Variants in HAUS6 observed in about 807,000 individuals in gnomAD.
HAUS6 encodes HAUS augmin-like complex subunit 6.
HAUS6 carries 80 observed loss-of-function variants against 106.8 expected under a neutral mutation model. The observed-to-expected ratio is 0.75, with a 90% CI of 0.63 to 0.90. The LOEUF (loss-of-function observed/expected upper bound fraction) is 0.90, where lower values mean the gene tolerates loss of function less well. Among genes scored for constraint, HAUS6 ranks in the 40% least tolerant of loss-of-function variants. The pLI, the probability that HAUS6 is intolerant of heterozygous loss-of-function variation, is 0.00. For missense variants in HAUS6, 1,155 were observed against 1,118.1 expected, an observed-to-expected ratio of 1.03 and a Z score of -0.47; for synonymous variants, 356 against 379.1, an observed-to-expected ratio of 0.94 and a Z score of 0.71.
At chr9:19,070,337 G>C in intron 11 of HAUS6, 37 bp from the exon 12 acceptor site, 2 of 1,082,772 alleles carry the variant, frequency 1.8e-6, no homozygotes, top group South Asian at 2.6e-5. Context: ...CTTTAATTAT[G>C]TTTGTACATT....
chr9:19,076,833 T>A, intron 10 of HAUS6, 129 bp from the exon 11 acceptor site: 1 of 596,858 alleles, frequency 1.7e-6, no homozygotes, highest in East Asian at 2.9e-5. Flanking sequence ...ATGTATCAGA[T>A]AACTATTTTT....
intron 10 of HAUS6, among the ~76,000 whole-genome samples, chr9:19,077,330 T>C (rs1039118382): frequency 3.9e-5 from 6 of 152,132 alleles, no homozygotes; most frequent in Admixed American, 6.6e-5. Flanking sequence ...AAGTCAGGTA[T>C]TCGAGACCAG....
At chr9:19,072,378 T>C (rs1365116120) in intron 11 of HAUS6, among the ~76,000 whole-genome samples, 1 of 151,932 alleles carries the variant, frequency 6.6e-6, no homozygotes, top group Non-Finnish European at 1.5e-5. Context: ...CCAGGTGTGA[T>C]GGCACACGCC....
chr9:19,077,490 G>A (rs546973738), intron 10 of HAUS6, among the ~76,000 whole-genome samples: 11 of 152,252 alleles, frequency 7.2e-5, no homozygotes, highest in East Asian at 5.8e-4. Flanking sequence ...AGCTGAGATC[G>A]TGCCACTGCA....
At chr9:19,092,108 T>TA (rs1458092773) in intron 4 of HAUS6, among the ~76,000 whole-genome samples, 7 of 152,144 alleles carry the variant, frequency 4.6e-5, no homozygotes, top group African/African-American at 1.7e-4. Flanking sequence ...TCTGGTCACA[T>TA]ACGATGCTAA....
chr9:19,072,305 T>C (rs186592872), intron 11 of HAUS6, among the ~76,000 whole-genome samples: 1 of 151,942 alleles, frequency 6.6e-6, no homozygotes, highest in Non-Finnish European at 1.5e-5. Flanking sequence ...TTGAGGTCAG[T>C]AGTTCAAGAC....
At chr9:19,097,767 TAAAAAA>T (rs570246354) in intron 1 of HAUS6, among the ~76,000 whole-genome samples, 1 of 138,074 alleles carries the variant, frequency 7.2e-6, no homozygotes. Context: ...AAACAAAGCC[TAAAAAA>T]AAAAAAAGTG....
rs147144205 is a variant in HAUS6, at chr9:19,058,744, T to G, written c.2023A>C (p.Ile675Leu). The change falls in exon 16 of 17, where the codon ATA becomes CTA. Residue 675 changes from isoleucine to leucine, a missense_variant. Ile to Leu is a conservative substitution (Grantham distance 5, BLOSUM62 2). Around this residue, in one of 3 missense-constraint regions of HAUS6, gnomAD observed 380 missense variants for 394.8 expected, o/e 0.96. Transcript: ENST00000380502. Reference protein sequence around the residue: ...VPQKHVLTSHIDEPPTQNQSD... With the variant: ...VPQKHVLTSHLDEPPTQNQSD... Reference sequence around the variant, plus strand: ...TGATTTTGTGTTGGTGGTTCATCTATGTGACTGGTCAGCACATGTTTCTGA... The same window carrying G: ...TGATTTTGTGTTGGTGGTTCATCTAGGTGACTGGTCAGCACATGTTTCTGA... 4.1e-5 allele frequency: 66 copies of G among 1,614,082 alleles called. No homozygotes were observed. Among genetic ancestry groups the G allele is most frequent in the Non-Finnish European group, 5.2e-5 (61 of 1,180,022 alleles).
chr9:19,071,939 C>T (rs1836889183), intron 11 of HAUS6, among the ~76,000 whole-genome samples: 1 of 152,166 alleles, frequency 6.6e-6, no homozygotes, highest in South Asian at 2.1e-4. Context: ...CCCAGTGGCT[C>T]ATGCCTGTAA....
chr9:19,099,226 G>C lies in HAUS6; in HGVS notation c.129-2457C>G, dbSNP rs533048481. Among the ~76,000 whole-genome samples the C allele has an allele frequency of 2.5e-3, 368 of 150,080 alleles. 1 individual carries two copies. The highest frequency in any genetic ancestry group is 8.6e-3 in the African/African-American group (353 of 40,946). On this transcript the variant is annotated intron_variant, in intron 1 of 16. Coordinates refer to ENST00000380502, the MANE Select transcript of HAUS6 (RefSeq NM_017645.5). ...CTGTCCCCCAGGCTGGAGTGCAGCG[G>C]CGCGATCTCGGCTCACTGCAAGCTC...
At chr9:19,070,141 A>T (rs1836855643) in intron 12 of HAUS6, 78 bp downstream of exon 12, 4 of 811,184 alleles carry the variant, frequency 4.9e-6, no homozygotes, top group Non-Finnish European at 8.2e-6. Context: ...AGCTGGCTTC[A>T]CCTCTCAGTT....
chr9:19,099,886 C>T (rs1426958457), intron 1 of HAUS6, among the ~76,000 whole-genome samples: 1 of 152,108 alleles, frequency 6.6e-6, no homozygotes, highest in African/African-American at 2.4e-5. Context: ...CCCATCTCTA[C>T]AAAAAGAATA....
At chr9:19,076,209 AT>A (rs200588807) in intron 11 of HAUS6, among the ~76,000 whole-genome samples, 1 of 145,674 alleles carries the variant, frequency 6.9e-6, no homozygotes, top group African/African-American at 2.5e-5. Context: ...AAAAAAAAAA[AT>A]ATAAAAATTA....
At position 19,058,739 on chromosome 9, in the gene HAUS6, A is replaced by T; in HGVS notation, c.2028T>A (p.Asp676Glu). ...CTGACTGATTTTGTGTTGGTGGTTC[A>T]TCTATGTGACTGGTCAGCACATGTT... ...PQKHVLTSHI[D>E]EPPTQNQSDL... The change falls in exon 16 of 17, where the codon GAT (aspartate) becomes GAA (glutamate). Residue 676 changes from aspartate (D) to glutamate (E), a missense_variant. Asp to Glu is a conservative substitution (Grantham distance 45, BLOSUM62 2). Coordinates refer to ENST00000380502, the MANE Select transcript of HAUS6 (RefSeq NM_017645.5). The T allele has an allele frequency of 6.2e-7, 1 of 1,614,178 alleles. No homozygotes were observed. Among genetic ancestry groups the T allele is most frequent in the Non-Finnish European group, 8.5e-7 (1 of 1,180,028 alleles).
chr9:19,085,089 A>C (rs1357383018), intron 7 of HAUS6, among the ~76,000 whole-genome samples: 1 of 152,066 alleles, frequency 6.6e-6, no homozygotes, highest in Non-Finnish European at 1.5e-5. Context: ...CACCCTAAAT[A>C]TCTCTGACAT....
chr9:19,074,357 G>T (rs1433439040), intron 11 of HAUS6, among the ~76,000 whole-genome samples: 1 of 152,050 alleles, frequency 6.6e-6, no homozygotes, highest in African/African-American at 2.4e-5. Flanking sequence ...TTGCAGCCTT[G>T]AACTCCCGGG....
intron 2 of HAUS6, among the ~76,000 whole-genome samples, chr9:19,095,990 G>A (rs145459046): frequency 1.4e-4 from 21 of 152,194 alleles, no homozygotes; most frequent in African/African-American, 4.8e-4. Context: ...AAAGTAGTAA[G>A]GCACAGAGTA....
rs369936480 is a variant in HAUS6 at position 19,060,155 on chromosome 9, T to A, written c.1698A>T (p.Leu566=). 6.2e-7 allele frequency: 1 copy of A among 1,600,662 alleles called. No homozygotes were observed. The highest frequency in any genetic ancestry group is 1.1e-5 in the South Asian group (1 of 89,788). The change falls in exon 15 of 17, where the codon CTA becomes CTT. Residue 566 remains leucine (L), a synonymous_variant. Coordinates refer to ENST00000380502, the MANE Select transcript of HAUS6 (RefSeq NM_017645.5). ...SEGKEIKLEE[L]IDSLGSNPFL... is the part of the protein sequence containing the mutation. ...AGGGGTTAGAACCCAGAGAGTCAAT[T>A]AGTTCCTCTAATTTTATTTCTTTTC...
intron 12 of HAUS6, 64 bp downstream of exon 12, chr9:19,070,155 T>C (rs1182019923): frequency 9.7e-6 from 9 of 929,700 alleles, no homozygotes; most frequent in Non-Finnish European, 1.5e-5. Context: ...CTCAGTTCCA[T>C]CTCTATTTTT....
Sources: allele counts gnomAD v4.1 joint callset (sites outside exome capture counted in the v4.1 genomes callset), GRCh38; gene constraint gnomAD v4.1.1; regional missense constraint gnomAD v4.1.1; transcripts MANE v1.5; gene names NCBI Gene and HGNC (gene_info 2026-07-23, HGNC 2026-07-21).